TRIM55: variants seen among roughly 807,000 people sequenced by gnomAD.
TRIM55 encodes tripartite motif-containing protein 55.
TRIM55 carries 50 observed loss-of-function variants against 60.9 expected under a neutral mutation model. That is an observed-to-expected ratio of 0.82 (90% confidence interval 0.65 to 1.04). TRIM55 has a LOEUF of 1.04. Among genes scored for constraint, TRIM55 ranks in the 50% least tolerant of loss-of-function variants. TRIM55 has a pLI of 0.00. For synonymous variants in TRIM55, 237 were observed against 238.1 expected (o/e 1.00, Z 0.04); for missense variants, 681 against 666.9 (o/e 1.02, Z -0.23).
chr8:66,171,410 C>T (rs1337840251), intron 9 of TRIM55, among the ~76,000 whole-genome samples: 1 of 152,190 alleles, frequency 6.6e-6, no homozygotes, highest in Non-Finnish European at 1.5e-5. Flanking sequence ...CATGTCTCTG[C>T]AAAAGACATG....
chr8:66,113,431 G>A, the TRIM55 span: 11 of 446,488 alleles, frequency 2.5e-5, no homozygotes, highest in African/African-American at 2.0e-5. Context: ...GACATCCTTA[G>A]GTCGCTGGTT....
chr8:66,148,419 T>C (rs1378577430), intron 4 of TRIM55, among the ~76,000 whole-genome samples: 2 of 152,192 alleles, frequency 1.3e-5, no homozygotes, highest in Admixed American at 6.5e-5. Context: ...GATACAGATA[T>C]ATGCTATCAA....
intron 9 of TRIM55, among the ~76,000 whole-genome samples, chr8:66,165,856 C>G (rs6990624): frequency 0.23 from 35,184 of 152,050 alleles, 8,166 homozygotes; most frequent in African/African-American, 0.6. Flanking sequence ...GAGAGGGTAA[C>G]ATTTTTTTAA....
chr8:66,141,988 A>G (rs920210536), intron 4 of TRIM55, among the ~76,000 whole-genome samples: 5 of 152,376 alleles, frequency 3.3e-5, no homozygotes, highest in Admixed American at 1.3e-4. Flanking sequence ...AACAGATTTC[A>G]GAGTTTGAGT....
At chr8:66,161,235 A>C (rs1248411128) in intron 9 of TRIM55, among the ~76,000 whole-genome samples, 1 of 152,018 alleles carries the variant, frequency 6.6e-6, no homozygotes, top group Non-Finnish European at 1.5e-5. Flanking sequence ...GTTTCATTCT[A>C]CTACATGTGG....
rs776588709 is a variant in TRIM55, at chr8:66,137,187, C to T, written c.600C>T (p.Ile200=). ...AGCTGGAAGACACCTGCAAAACTAT[C>T]GAGGTGAGTCAGGTGACTCCCACAG... The part of the protein sequence containing the change: ...ISQLEDTCKT[I]EECCRKQKQE... Residue 200 remains isoleucine, a synonymous_variant, in exon 4 of 10, where the codon ATC becomes ATT. Coordinates refer to ENST00000315962, the MANE Select transcript of TRIM55 (RefSeq NM_184085.2). 5.6e-6 allele frequency: 9 copies of T among 1,613,518 alleles called. No individual in the cohort carries two copies. The highest frequency in any genetic ancestry group is 4.0e-5 in the African/African-American group (3 of 74,914).
chr8:66,147,829 A>G (rs1810189868), intron 4 of TRIM55, among the ~76,000 whole-genome samples: 1 of 150,564 alleles, frequency 6.6e-6, no homozygotes, highest in Admixed American at 6.6e-5. Flanking sequence ...CACAAAATCT[A>G]TTCAACAGAT....
At chr8:66,157,171 T>A (rs1183494229) in intron 9 of TRIM55, among the ~76,000 whole-genome samples, 5 of 152,146 alleles carry the variant, frequency 3.3e-5, no homozygotes, top group Non-Finnish European at 5.9e-5. Context: ...TGAGCCCATG[T>A]CATGTATGCT....
rs372751841 is a variant in TRIM55, at chr8:66,127,249, C to A, written c.-20C>A. 12 of 1,608,928 alleles carry A rather than the reference C, an allele frequency of 7.5e-6. No homozygotes were observed. Among genetic ancestry groups the A allele is most frequent in the African/African-American group, 1.3e-5 (1 of 74,812 alleles). On this transcript the variant is annotated 5_prime_UTR_variant, in exon 1 of 10. Transcript: ENST00000315962. Reference sequence around the variant, plus strand: ...CTCGCAGCACCCTTCCCTGGCAGCACACTTGGGGACAGCGAGGAGATGAGC... The same window carrying A: ...CTCGCAGCACCCTTCCCTGGCAGCAAACTTGGGGACAGCGAGGAGATGAGC...
Position 66,137,194 on chromosome 8 carries a change from A to G in TRIM55, c.603+4A>G, listed in dbSNP as rs748003745. ...AGACACCTGCAAAACTATCGAGGTG[A>G]GTCAGGTGACTCCCACAGCGTCTCA... On this transcript the variant is annotated splice_donor_region_variant and intron_variant, in intron 4 of 9. Transcript: ENST00000315962. The G allele has an allele frequency of 6.2e-7, 1 of 1,613,144 alleles. No individual in the cohort carries two copies. Among genetic ancestry groups the G allele is most frequent in the Non-Finnish European group, 8.5e-7 (1 of 1,179,286 alleles).
At chr8:66,134,007 A>T (rs1365237703) in intron 2 of TRIM55, among the ~76,000 whole-genome samples, 2 of 152,234 alleles carry the variant, frequency 1.3e-5, no homozygotes, top group Non-Finnish European at 2.9e-5. Context: ...CCTGAAACAA[A>T]AGTTTCGAAC....
the TRIM55 span, among the ~76,000 whole-genome samples, chr8:66,120,701 A>T: frequency 2.4e-4 from 36 of 152,312 alleles, no homozygotes; most frequent in Admixed American, 1.4e-3. Flanking sequence ...CTGGGAGAGG[A>T]CATGGAAGTT....
intron 9 of TRIM55, 104 bp downstream of exon 9, chr8:66,154,438 A>G: frequency 8.2e-7 from 1 of 1,225,478 alleles, no homozygotes; most frequent in Non-Finnish European, 1.1e-6. Context: ...GGCAGAGAGA[A>G]ACCTCAGCCA....
upstream of TRIM55, among the ~76,000 whole-genome samples, chr8:66,125,154 G>A (rs181529309): frequency 3.0e-4 from 46 of 152,134 alleles, no homozygotes; most frequent in Admixed American, 2.9e-3. Flanking sequence ...TAAAGCCTTC[G>A]AAATCTTCTT....
At chr8:66,121,632 G>A in the TRIM55 span, among the ~76,000 whole-genome samples, 1 of 152,156 alleles carries the variant, frequency 6.6e-6, no homozygotes. Context: ...GTTAAACTGG[G>A]TTCAAATAAG....
At chr8:66,158,096 T>C (rs910465761) in intron 9 of TRIM55, among the ~76,000 whole-genome samples, 8 of 150,194 alleles carry the variant, frequency 5.3e-5, no homozygotes, top group Non-Finnish European at 8.8e-5. Context: ...TGGCTGATAC[T>C]TGAGCTGGAC....
chr8:66,128,731 T>C (rs1431484754), intron 2 of TRIM55, among the ~76,000 whole-genome samples: 2 of 152,218 alleles, frequency 1.3e-5, no homozygotes, highest in Non-Finnish European at 2.9e-5. Context: ...CAGATGGTGA[T>C]GCTGAAAGAG....
chr8:66,149,897 C>A lies in TRIM55; in HGVS notation c.837+19C>A, dbSNP rs1163070406. 3 of 1,587,506 alleles carry A rather than the reference C, an allele frequency of 1.9e-6. No individual in the cohort carries two copies. The highest frequency in any genetic ancestry group is 1.3e-5 in the African/African-American group (1 of 74,374). ...TCTGCAGGTAAGTCTCTTTTTGGCACCAAAGTAACAACCCAAAAGGTGGGT... is the reference window on the plus strand; with the variant it reads ...TCTGCAGGTAAGTCTCTTTTTGGCAACAAAGTAACAACCCAAAAGGTGGGT... On this transcript the variant is annotated intron_variant, in intron 5 of 9. Transcript: ENST00000315962.
At chr8:66,147,794 C>CAAAAAAAAAA (rs1180935272) in intron 4 of TRIM55, among the ~76,000 whole-genome samples, 1 of 44,196 alleles carries the variant, frequency 2.3e-5, no homozygotes, top group Non-Finnish European at 4.9e-5. Context: ...GACTCCATCT[C>CAAAAAAAAAA]AAAAAAAAAA....
Sources: allele counts gnomAD v4.1 joint callset (sites outside exome capture counted in the v4.1 genomes callset), GRCh38; gene constraint gnomAD v4.1.1; transcripts MANE v1.5; gene names NCBI Gene and HGNC (gene_info 2026-07-23, HGNC 2026-07-21).